The following SH3BP5 variants were observed in gnomAD, a reference collection of about 807,000 sequenced individuals.
SH3BP5 encodes SH3 domain-binding protein 5.
SH3BP5 carries 22 observed loss-of-function variants against 43.3 expected under a neutral mutation model. The ratio of observed to expected loss-of-function variants is 0.51; its 90% confidence interval spans 0.36 to 0.73. The LOEUF is 0.73. Among genes scored for constraint, SH3BP5 ranks in the 30% least tolerant of loss-of-function variants. The probability of loss-of-function intolerance (pLI) is 0.00; values close to 1 mark genes in which losing one functional copy is unlikely to be tolerated. For synonymous variants in SH3BP5, 255 were observed against 225.8 expected (o/e 1.13, Z -1.16); for missense variants, 529 against 586.9 (o/e 0.90, Z 1.02).
chr3:15,331,993 C>A, intron 1 of SH3BP5: 1 of 414,764 alleles, frequency 2.4e-6, no homozygotes, highest in Non-Finnish European at 4.3e-6. Context: ...TGTTGCACAT[C>A]CACCCGAACC....
intron 3 of SH3BP5, among the ~76,000 whole-genome samples, chr3:15,296,072 T>C (rs143172233): frequency 1.2e-4 from 19 of 152,294 alleles, no homozygotes; most frequent in African/African-American, 4.6e-4. Context: ...CTAACCTCTA[T>C]TTCCCCTAGG....
chr3:15,294,199 G>A (rs974624871), intron 3 of SH3BP5, among the ~76,000 whole-genome samples: 2 of 151,716 alleles, frequency 1.3e-5, no homozygotes, highest in African/African-American at 4.8e-5. Context: ...ACAAACCCAG[G>A]CCCCTAGCAC....
chr3:15,279,451 A>G (rs1344649206), intron 3 of SH3BP5, among the ~76,000 whole-genome samples: 1 of 152,166 alleles, frequency 6.6e-6, no homozygotes, highest in Non-Finnish European at 1.5e-5. Flanking sequence ...GCAGCAAGAG[A>G]GCTTTGCAGG....
Position 15,269,147 on chromosome 3 carries a change from C to T in SH3BP5, c.495+566G>A, listed in dbSNP as rs575571979. Among the ~76,000 whole-genome samples, 10 of 152,228 alleles carry T rather than the reference C, an allele frequency of 6.6e-5. No homozygotes were observed. In the East Asian group the frequency reaches 1.7e-3, roughly 26 times the overall value. On this transcript the variant is annotated intron_variant, in intron 4 of 8. Coordinates refer to ENST00000383791, the MANE Select transcript of SH3BP5 (RefSeq NM_004844.5). The stretch of plus-strand genomic sequence containing the variant: ...GCCAGTAAAGAACCCAATATAATGA[C>T]ATAAAACCCAGCAAGCCAAGCTGTG...
chr3:15,286,278 G>C (rs760187673), intron 3 of SH3BP5, among the ~76,000 whole-genome samples: 36 of 152,336 alleles, frequency 2.4e-4, no homozygotes, highest in Non-Finnish European at 4.1e-4. Flanking sequence ...TGCCTGGGGA[G>C]GCAGAATCGG....
At chr3:15,338,022 T>C (rs1244666712) in intron 1 of SH3BP5, among the ~76,000 whole-genome samples, 11 of 151,578 alleles carry the variant, frequency 7.3e-5, no homozygotes, top group African/African-American at 2.7e-4. Context: ...TAAATTAAGA[T>C]TCCTTGCAAT....
At chr3:15,290,493 T>C (rs951788545) in intron 3 of SH3BP5, among the ~76,000 whole-genome samples, 1 of 122,686 alleles carries the variant, frequency 8.2e-6, no homozygotes, top group African/African-American at 3.3e-5. Flanking sequence ...GCCACTGCAC[T>C]ACAGCCTGGG....
At chr3:15,314,034 C>T (rs1241646509) in intron 2 of SH3BP5, among the ~76,000 whole-genome samples, 1 of 151,912 alleles carries the variant, frequency 6.6e-6, no homozygotes, top group African/African-American at 2.4e-5. Flanking sequence ...CCTAGGCGGT[C>T]AAGGCTGCAG....
chr3:15,283,421 G>T (rs992242841), intron 3 of SH3BP5, among the ~76,000 whole-genome samples: 1 of 152,142 alleles, frequency 6.6e-6, no homozygotes, highest in Non-Finnish European at 1.5e-5. Context: ...AAATATCTAA[G>T]ATTGCCAATG....
chr3:15,256,031 T>G lies in SH3BP5; in HGVS notation c.*55A>C. The stretch of plus-strand genomic sequence containing the variant: ...TATTAAATGATTATTGGCACAATGT[T>G]CTCCAGTTCCATGTATAAATGTTGA... On this transcript the variant is annotated 3_prime_UTR_variant, in exon 9 of 9. Transcript: ENST00000383791. The G allele has an allele frequency of 7.4e-7, 1 of 1,357,292 alleles. No individual in the cohort carries two copies. Among genetic ancestry groups the G allele is most frequent in the Non-Finnish European group, 1.0e-6 (1 of 963,112 alleles). 84.1% of individuals were successfully genotyped at this position (1,357,292 alleles called of 1,614,324 possible). A position where few individuals can be genotyped will look rare whatever the true frequency, so the allele number is the denominator to read the frequency against.
At chr3:15,319,418 T>C (rs1698265550) in intron 2 of SH3BP5, among the ~76,000 whole-genome samples, 1 of 152,176 alleles carries the variant, frequency 6.6e-6, no homozygotes, top group Non-Finnish European at 1.5e-5. Context: ...GAAGAAAGTA[T>C]ATGTCCTATG....
chr3:15,303,923 A>C (rs116178535), intron 3 of SH3BP5, among the ~76,000 whole-genome samples, 180 bp downstream of exon 3: 233 of 152,300 alleles, frequency 1.5e-3, no homozygotes, highest in South Asian at 0.01. Flanking sequence ...GCCAGCACTC[A>C]CACCCTATTA....
chr3:15,311,821 G>A (rs1245102313), intron 2 of SH3BP5, among the ~76,000 whole-genome samples: 5 of 152,010 alleles, frequency 3.3e-5, no homozygotes, highest in African/African-American at 9.7e-5. Context: ...CTAGAGGCAC[G>A]TATGACCACA....
intron 2 of SH3BP5, among the ~76,000 whole-genome samples, chr3:15,320,640 A>ACCCC (rs1553619762): frequency 2.7e-5 from 4 of 149,676 alleles, no homozygotes; most frequent in African/African-American, 9.9e-5. Flanking sequence ...ACACACACAC[A>ACCCC]CCCCACTACG....
At chr3:15,262,319 CCAGCCCAGAA>C (rs1375088515) in intron 4 of SH3BP5, 30 bp from the exon 5 acceptor site, 3 of 1,596,666 alleles carry the variant, frequency 1.9e-6, no homozygotes, top group Non-Finnish European at 2.6e-6. Flanking sequence ...TCAGCCCAGT[CCAGCCCAGAA>C]CAGCCCAGGC....
At chr3:15,326,830 C>T (rs1047882416) in intron 2 of SH3BP5, among the ~76,000 whole-genome samples, 3 of 152,150 alleles carry the variant, frequency 2.0e-5, no homozygotes, top group East Asian at 1.9e-4. Flanking sequence ...TTCCTGAGCA[C>T]GAGCAGGCTG....
chr3:15,269,031 G>C (rs758027215), intron 4 of SH3BP5, among the ~76,000 whole-genome samples: 24 of 152,130 alleles, frequency 1.6e-4, no homozygotes, highest in Non-Finnish European at 3.2e-4. Flanking sequence ...CCTGTTTATG[G>C]TATTTTGTTT....
chr3:15,333,593 C>T (rs916332238), upstream of SH3BP5, among the ~76,000 whole-genome samples: 1 of 152,122 alleles, frequency 6.6e-6, no homozygotes, highest in African/African-American at 2.4e-5. Context: ...TCACTTGAGG[C>T]CAGGAGTTCA....
intron 1 of SH3BP5, 59 bp from the exon 2 acceptor site, chr3:15,330,625 T>C (rs556016589): frequency 3.9e-4 from 575 of 1,463,758 alleles, no homozygotes; most frequent in Non-Finnish European, 5.0e-4. Flanking sequence ...GTTTCCAATA[T>C]AACTCAGTCC....
Sources: allele counts gnomAD v4.1 joint callset (sites outside exome capture counted in the v4.1 genomes callset), GRCh38; gene constraint gnomAD v4.1.1; transcripts MANE v1.5; gene names NCBI Gene and HGNC (gene_info 2026-07-23, HGNC 2026-07-21).